ZFAT: variants seen among roughly 807,000 people sequenced by gnomAD.
The protein encoded by ZFAT is zinc finger protein ZFAT.
In ZFAT, 64 loss-of-function variants were observed where a neutral mutation model predicts 117.7. The ratio of observed to expected loss-of-function variants is 0.54; its 90% CI spans 0.44 to 0.67. The LOEUF (loss-of-function observed/expected upper bound fraction) is 0.67. Ranked by LOEUF, ZFAT falls within the 30% of genes least tolerant of loss-of-function variation. The probability of loss-of-function intolerance (pLI) is 0.00; values close to 1 mark genes in which losing one functional copy is unlikely to be tolerated. For missense variants in ZFAT, 1,433 were observed against 1,584.5 expected (o/e 0.90, Z 1.62); for synonymous variants, 679 against 615.0 (o/e 1.10, Z -1.54).
At chr8:134,701,742 T>A (rs1377739043) in intron 1 of ZFAT, among the ~76,000 whole-genome samples, 1 of 152,242 alleles carries the variant, frequency 6.6e-6, no homozygotes, top group Non-Finnish European at 1.5e-5. Context: ...CACTTTTTCA[T>A]CCTTTTTCAT....
intron 15 of ZFAT, among the ~76,000 whole-genome samples, chr8:134,507,492 G>A (rs961717423): frequency 3.9e-5 from 6 of 152,114 alleles, no homozygotes; most frequent in African/African-American, 9.7e-5. Flanking sequence ...AGTTCCCCAC[G>A]ACTGTGTTCA....
the ZFAT span, among the ~76,000 whole-genome samples, chr8:134,775,539 G>C: frequency 6.6e-6 from 1 of 152,054 alleles, no homozygotes; most frequent in Non-Finnish European, 1.5e-5. Context: ...CTGAACTTTC[G>C]ACTTTTGTAC....
At chr8:134,774,166 T>G in the ZFAT span, among the ~76,000 whole-genome samples, 1 of 151,922 alleles carries the variant, frequency 6.6e-6, no homozygotes, top group Non-Finnish European at 1.5e-5. Context: ...CGGCTAATTT[T>G]TTGTATTTTT....
At chr8:134,733,783 A>T in the ZFAT span, among the ~76,000 whole-genome samples, 2 of 152,188 alleles carry the variant, frequency 1.3e-5, no homozygotes, top group Non-Finnish European at 1.5e-5. Flanking sequence ...TCCTGACATG[A>T]CTTGATGGCT....
intron 15 of ZFAT, among the ~76,000 whole-genome samples, chr8:134,492,226 C>T (rs1224750037): frequency 6.6e-6 from 1 of 152,134 alleles, no homozygotes; most frequent in Non-Finnish European, 1.5e-5. Context: ...GACTAGATGG[C>T]TCAACTGGTC....
At chr8:134,694,143 C>CG (rs1833715735) in intron 1 of ZFAT, among the ~76,000 whole-genome samples, 2 of 152,136 alleles carry the variant, frequency 1.3e-5, no homozygotes, top group African/African-American at 2.4e-5. Flanking sequence ...CGCTGGAACG[C>CG]GGGGCGCAGC....
intron 1 of ZFAT, among the ~76,000 whole-genome samples, chr8:134,670,132 G>A (rs1272625921): frequency 6.6e-6 from 1 of 152,196 alleles, no homozygotes; most frequent in Non-Finnish European, 1.5e-5. Context: ...AAGAGACTTA[G>A]ACTCCCACAC....
chr8:134,738,614 A>T, the ZFAT span, among the ~76,000 whole-genome samples: 1 of 152,160 alleles, frequency 6.6e-6, no homozygotes, highest in Non-Finnish European at 1.5e-5. Flanking sequence ...AATCAATGCC[A>T]TGAAGGAGGT....
chr8:134,562,548 T>C (rs892667526), intron 11 of ZFAT, among the ~76,000 whole-genome samples: 2 of 152,162 alleles, frequency 1.3e-5, no homozygotes, highest in African/African-American at 4.8e-5. Flanking sequence ...ATACCCTAAG[T>C]TGTGGGATGA....
At chr8:134,616,159 C>T (rs910387324) in intron 3 of ZFAT, among the ~76,000 whole-genome samples, 4 of 152,196 alleles carry the variant, frequency 2.6e-5, no homozygotes, top group African/African-American at 7.2e-5. Context: ...ACAAGCCATG[C>T]TCCTCACAGC....
chr8:134,697,425 T>C (rs1017815213), intron 1 of ZFAT, among the ~76,000 whole-genome samples: 5 of 149,832 alleles, frequency 3.3e-5, no homozygotes, highest in African/African-American at 9.8e-5. Flanking sequence ...TTTGTATTTT[T>C]AGTAGAGAAG....
chr8:134,504,309 A>G (rs1819229804), intron 15 of ZFAT, among the ~76,000 whole-genome samples: 1 of 152,154 alleles, frequency 6.6e-6, no homozygotes, highest in Non-Finnish European at 1.5e-5. Context: ...CAGTAAAAAC[A>G]ATACAAAATT....
chr8:134,599,179 CAG>C (rs1827203758), intron 7 of ZFAT: 1 of 152,100 alleles, frequency 6.6e-6, no homozygotes, highest in African/African-American at 2.4e-5. Flanking sequence ...GAGAGAGAGA[CAG>C]AAAGAAAAGG....
intron 10 of ZFAT, among the ~76,000 whole-genome samples, chr8:134,566,176 C>T (rs551206594): frequency 2.0e-5 from 3 of 152,138 alleles, no homozygotes; most frequent in South Asian, 2.1e-4. Flanking sequence ...GGGCAGATCA[C>T]GAGGTCAGGA....
At chr8:134,831,512 C>A in the ZFAT span, among the ~76,000 whole-genome samples, 1 of 152,244 alleles carries the variant, frequency 6.6e-6, no homozygotes, top group Non-Finnish European at 1.5e-5. Flanking sequence ...TCTCTCACTC[C>A]CGGCCGGTCC....
the ZFAT span, among the ~76,000 whole-genome samples, chr8:134,764,603 A>G: frequency 6.6e-6 from 1 of 152,234 alleles, no homozygotes; most frequent in South Asian, 2.1e-4. Context: ...AATGTGGCTC[A>G]CTGATATAAT....
Position 134,600,609 on chromosome 8 carries a change from G to A in ZFAT, c.2302C>T (p.His768Tyr), listed in dbSNP as rs1209916615. ...DMHVRTHTRE[H>Y]LYYCSQCHYS... ...TGACACTGAGAGCAATAATACAGAT[G>A]TTCCCGGGTGTGGGTGCGGACATGC... Residue 768 changes from histidine (H) to tyrosine (Y), a missense_variant, in exon 7 of 16, where the codon CAT becomes TAT. His to Tyr is a moderately conservative substitution (Grantham distance 83, BLOSUM62 2). Transcript: ENST00000377838. The A allele has an allele frequency of 1.2e-6, 2 of 1,613,858 alleles. No homozygotes were observed. The highest frequency in any genetic ancestry group is 2.7e-5 in the African/African-American group (2 of 75,052).
intron 1 of ZFAT, 31 bp downstream of exon 1, chr8:134,712,814 C>T (rs1205114384): frequency 8.1e-6 from 10 of 1,232,350 alleles, no homozygotes; most frequent in African/African-American, 1.6e-5. Context: ...CACCCCCACC[C>T]CGTCTCACCC....
At chr8:134,561,964 A>G (rs1824085180) in intron 11 of ZFAT, among the ~76,000 whole-genome samples, 1 of 152,216 alleles carries the variant, frequency 6.6e-6, no homozygotes, top group African/African-American at 2.4e-5. Flanking sequence ...GTTACCTTGC[A>G]TGGCAAAAAT....
Sources: gnomAD v4.1 joint callset for allele counts (sites outside exome capture counted in the v4.1 genomes callset) on GRCh38, gnomAD v4.1.1 for gene constraint, MANE v1.5 for transcripts, NCBI Gene and HGNC (gene_info 2026-07-23, HGNC 2026-07-21) for gene names.